The following WFDC5 variants were observed in gnomAD, a reference collection of about 807,000 sequenced individuals.
WFDC5 encodes the protein WAP four-disulfide core domain protein 5.
In WFDC5, 15 loss-of-function variants were observed where a neutral mutation model predicts 15.7. The ratio of observed to expected loss-of-function variants is 0.96; its 90% CI spans 0.64 to 1.47. WFDC5 has a LOEUF of 1.47. Among genes scored for constraint, WFDC5 ranks in the 40% most tolerant of loss-of-function variants. The pLI, the probability that WFDC5 is intolerant of heterozygous loss-of-function variation, is 0.00. For missense variants in WFDC5, 280 were observed against 258.0 expected (o/e 1.09, Z -0.59); for synonymous variants, 109 against 107.7 (o/e 1.01, Z -0.07).
chr20:45,110,395 C>T lies in WFDC5; in HGVS notation c.372G>A (p.Thr124=), dbSNP rs368016956. 45 of 1,596,124 alleles carry T rather than the reference C, an allele frequency of 2.8e-5. No homozygotes were observed. The highest frequency in any genetic ancestry group is 6.8e-5 in the East Asian group (3 of 44,326). Residue 124 remains threonine (T), a synonymous_variant, in exon 3 of 4, where the codon ACG becomes ACA. Coordinates refer to ENST00000307971, the Ensembl canonical transcript of WFDC5. ...GCACCTGCCCTGGGCACCCAGGAGC[C>T]GTACCTCTGGCAGGATCCCGGCAAT...
chr20:45,114,184 G>A (rs1261341730), intron 1 of WFDC5, among the ~76,000 whole-genome samples: 1 of 152,178 alleles, frequency 6.6e-6, no homozygotes, highest in African/African-American at 2.4e-5. Flanking sequence ...TCCTTCCTCA[G>A]CCTGTCCCCA....
chr20:45,114,939 C>A lies in WFDC5; in HGVS notation c.85+60G>T, dbSNP rs887297195. ...TTACCTGCCTTCCCCCAAACCCTTACTCTCCCTAGAGAAGTAGAGACAATC... is the reference window on the plus strand; with the variant it reads ...TTACCTGCCTTCCCCCAAACCCTTAATCTCCCTAGAGAAGTAGAGACAATC... On this transcript the variant is annotated intron_variant, in intron 1 of 3. Transcript: ENST00000307971. 7.6e-6 allele frequency: 12 copies of A among 1,579,114 alleles called. No homozygotes were observed. The African/African-American group carries it at 1.6e-4, about 21-fold the overall frequency.
chr20:45,115,845 G>A (rs1044615195), upstream of WFDC5, among the ~76,000 whole-genome samples: 3 of 152,172 alleles, frequency 2.0e-5, no homozygotes, highest in African/African-American at 7.2e-5. Context: ...CTCATCCAGG[G>A]ACCCCCACCT....
At chr20:45,110,862 T>C in intron 1 of WFDC5, 87 bp from the exon 2 acceptor site, 1 of 1,549,982 alleles carries the variant, frequency 6.5e-7, no homozygotes, top group African/African-American at 1.4e-5. Context: ...GACTGAATTC[T>C]CCATCCCTTG....
intron 1 of WFDC5, among the ~76,000 whole-genome samples, chr20:45,112,719 C>T (rs188161478): frequency 2.0e-5 from 3 of 152,310 alleles, no homozygotes; most frequent in East Asian, 1.9e-4. Context: ...TAGATCTAGA[C>T]ACACAATTAG....
chr20:45,110,681 C>A lies in WFDC5; in HGVS notation c.180G>T (p.Lys60Asn), dbSNP rs760609159. 3.1e-6 allele frequency: 5 copies of A among 1,614,180 alleles called. No homozygotes were observed. The South Asian group carries it at 5.5e-5, about 18-fold the overall frequency. Residue 60 changes from lysine to asparagine, a missense_variant, in exon 2 of 4, where the codon AAG (lysine) becomes AAT (asparagine). By Grantham distance (94) the Lys-to-Asn change is moderately conservative. Transcript: ENST00000307971. ...GGCGGAAGCAAGCTCTGTAGCAGCA[C>A]TTCCTGGTCAAGGGACACTGGCTGT...
exon 4 of WFDC5, chr20:45,109,527 T>C (rs6130753): frequency 0.22 from 118,467 of 541,598 alleles, 14,733 homozygotes; most frequent in Non-Finnish European, 0.27. Flanking sequence ...ATTAAGTAAA[T>C]GGTGGTACAG....
Position 45,110,713 on chromosome 20 carries a change from C to T in WFDC5, c.148G>A (p.Val50Met), listed in dbSNP as rs374696524. 3.5e-5 allele frequency: 56 copies of T among 1,614,076 alleles called. No homozygotes were observed. The highest frequency in any genetic ancestry group is 4.2e-5 in the Non-Finnish European group (49 of 1,180,036). ...GTCAAGGGACACTGGCTGTCTTCCA[C>T]GCACTGGTCAGGCACCGATAGGAGG... The change falls in exon 2 of 4, where the codon GTG (valine) becomes ATG (methionine). Residue 50 changes from valine to methionine, a missense_variant. Val to Met is a conservative substitution (Grantham distance 21). Transcript: ENST00000307971.
chr20:45,115,945 C>T (rs1051205144), upstream of WFDC5, among the ~76,000 whole-genome samples: 1 of 152,326 alleles, frequency 6.6e-6, no homozygotes, highest in South Asian at 2.1e-4. Context: ...TAAACAGAAA[C>T]TCCATCGAAG....
exon 3 of WFDC5, chr20:45,110,482 C>T (rs757071174): frequency 1.9e-6 from 3 of 1,614,194 alleles, no homozygotes; most frequent in Non-Finnish European, 1.7e-6. Flanking sequence ...CCTTGTGACA[C>T]AGGTGGTTCA....
intron 1 of WFDC5, among the ~76,000 whole-genome samples, chr20:45,111,287 C>T (rs1045552631): frequency 2.3e-5 from 3 of 130,488 alleles, no homozygotes; most frequent in African/African-American, 6.2e-5. Context: ...AGCGCCCCCC[C>T]ACCCCGGCCC....
At chr20:45,115,232 G>A (rs1041214409), upstream of WFDC5, 21 of 664,188 alleles carry the variant, frequency 3.2e-5, no homozygotes, top group Admixed American at 4.4e-4. Context: ...CTGAGGGCCC[G>A]AGGACTCAGT....
chr20:45,110,676 C>G, exon 2 of WFDC5: 2 of 1,614,126 alleles, frequency 1.2e-6, no homozygotes, highest in East Asian at 2.2e-5. Context: ...AGCTCTGTAG[C>G]AGCACTTCCT....
At chr20:45,112,316 G>T (rs559412099) in intron 1 of WFDC5, among the ~76,000 whole-genome samples, 2 of 152,266 alleles carry the variant, frequency 1.3e-5, no homozygotes, top group East Asian at 3.9e-4. Flanking sequence ...GGGTGGGTCA[G>T]GCAGGGAGAG....
At chr20:45,114,369 G>T (rs1981699951) in intron 1 of WFDC5, among the ~76,000 whole-genome samples, 1 of 152,088 alleles carries the variant, frequency 6.6e-6, no homozygotes, top group Non-Finnish European at 1.5e-5. Flanking sequence ...CCTTGTCAGG[G>T]GTGGGAATGG....
chr20:45,110,781 A>G lies in WFDC5; in HGVS notation c.86-6T>C, dbSNP rs1242536495. 1.2e-6 allele frequency: 2 copies of G among 1,613,676 alleles called. No individual in the cohort carries two copies. ...CGGGCAGCCCCCCGATTTCTCTGTA[A>G]GAGAATCTCCTAATATTGCAGCTGG... On this transcript the variant is annotated splice_region_variant and splice_polypyrimidine_tract_variant and intron_variant, in intron 1 of 3. Coordinates refer to ENST00000307971, the Ensembl canonical transcript of WFDC5.
At chr20:45,110,368 A>G in intron 3 of WFDC5, 32 bp downstream of exon 3, 1 of 1,573,040 alleles carries the variant, frequency 6.4e-7, no homozygotes, top group African/African-American at 1.3e-5. Flanking sequence ...CGGAGAGGGG[A>G]GGCACCTGCC....
chr20:45,114,890 C>A, intron 1 of WFDC5, 109 bp downstream of exon 1: 1 of 845,858 alleles, frequency 1.2e-6, no homozygotes, highest in South Asian at 1.8e-5. Flanking sequence ...CACACACACA[C>A]GCGCACACAC....
Position 45,110,783 on chromosome 20 carries a change from A to G in WFDC5, c.86-8T>C, listed in dbSNP as rs765055600. On this transcript the variant is annotated splice_region_variant and splice_polypyrimidine_tract_variant and intron_variant, in intron 1 of 3. Coordinates refer to ENST00000307971, the Ensembl canonical transcript of WFDC5. ...GGCAGCCCCCCGATTTCTCTGTAAG[A>G]GAATCTCCTAATATTGCAGCTGGAG... is the stretch of plus-strand genomic sequence containing the variant. The G allele has an allele frequency of 6.2e-7, 1 of 1,613,716 alleles. No individual in the cohort carries two copies. The highest frequency in any genetic ancestry group is 1.1e-5 in the South Asian group (1 of 91,074).
Sources: gnomAD v4.1 joint callset for allele counts (sites outside exome capture counted in the v4.1 genomes callset) on GRCh38, gnomAD v4.1.1 for gene constraint, MANE v1.5 for transcripts, NCBI Gene and HGNC (gene_info 2026-07-23, HGNC 2026-07-21) for gene names.